Variants in KCNJ4 observed in about 807,000 individuals in gnomAD.
KCNJ4 encodes inward rectifier potassium channel 4.
A neutral mutation model predicts 25.6 loss-of-function variants in KCNJ4; 3 were observed. The ratio of observed to expected loss-of-function variants is 0.12; its 90% CI spans 0.05 to 0.30. The LOEUF is 0.30. Among genes scored for constraint, KCNJ4 ranks in the 10% least tolerant of loss-of-function variants. The pLI, the probability that KCNJ4 is intolerant of heterozygous loss-of-function variation, is 1.00. For synonymous variants in KCNJ4, 257 were observed against 283.9 expected, an observed-to-expected ratio of 0.91 and a Z score of 0.95; for missense variants, 286 against 666.8, an observed-to-expected ratio of 0.43 and a Z score of 6.29.
chr22:38,438,363 C>G (rs1317132152), intron 1 of KCNJ4, among the ~76,000 whole-genome samples: 3 of 151,420 alleles, frequency 2.0e-5, no homozygotes, highest in African/African-American at 7.3e-5. Context: ...GCACTCCAGC[C>G]TGGGTGACAG....
rs1300700291 is a variant in KCNJ4, at chr22:38,443,846, G to A, written c.-40+11134C>T. Among the ~76,000 whole-genome samples, 2 of 152,094 alleles carry A rather than the reference G, an allele frequency of 1.3e-5. No homozygotes were observed. Among genetic ancestry groups the A allele is most frequent in the African/African-American group, 4.8e-5 (2 of 41,418 alleles). Reference sequence around the variant, plus strand: ...ATCTCCACATCACTCCCTGCTCAGAGCTCTCGTCTCCCCAGGGCACTCGGG... The same window carrying A: ...ATCTCCACATCACTCCCTGCTCAGAACTCTCGTCTCCCCAGGGCACTCGGG... On this transcript the variant is annotated intron_variant, in intron 1 of 1. Transcript: ENST00000303592. The surrounding 1 kb of genome is among the most constrained non-coding windows in gnomAD (Gnocchi z 4.1).
rs552056309 is a variant in KCNJ4, at chr22:38,450,525, G to A, written c.-40+4455C>T. ...CCTTCTGCTCCCCTCTCCCTGCGCC[G>A]ATAACTTTCCTCCTGCAGCCCTAGC... On this transcript the variant is annotated intron_variant, in intron 1 of 1. Transcript: ENST00000303592. Among the ~76,000 whole-genome samples the A allele has an allele frequency of 3.3e-5, 5 of 152,156 alleles. No homozygotes were observed. In the South Asian group the frequency reaches 6.2e-4, roughly 19 times the overall value.
chr22:38,450,884 C>T (rs985574469), intron 1 of KCNJ4, among the ~76,000 whole-genome samples: 1 of 151,976 alleles, frequency 6.6e-6, no homozygotes, highest in African/African-American at 2.4e-5. Flanking sequence ...GCCCCAGCCC[C>T]AGGGAGGAAC....
chr22:38,430,457 C>A (rs1322735176), intron 1 of KCNJ4, among the ~76,000 whole-genome samples: 2 of 152,112 alleles, frequency 1.3e-5, no homozygotes, highest in African/African-American at 4.8e-5. Flanking sequence ...GAGCCGAGAT[C>A]GTGCCACTGC....
Position 38,427,290 on chromosome 22 carries a change from C to A in KCNJ4, c.843G>T (p.Ser281=). 6.2e-7 allele frequency: 1 copy of A among 1,613,910 alleles called. No individual in the cohort carries two copies. The highest frequency in any genetic ancestry group is 8.5e-7 in the Non-Finnish European group (1 of 1,180,004). Residue 281 remains serine, a synonymous_variant, in exon 2 of 2, where the codon TCG becomes TCT. Coordinates refer to ENST00000303592, the MANE Select transcript of KCNJ4 (RefSeq NM_152868.3). The part of the protein sequence containing the change: ...LYGMGKEELE[S]EDFEIVVILE... ...GGATGACCACGATCTCAAAGTCCTC[C>A]GACTCCAGCTCCTCCTTGCCCATGC... is the stretch of plus-strand genomic sequence containing the variant.
chr22:38,434,990 G>A (rs892412574), intron 1 of KCNJ4, among the ~76,000 whole-genome samples: 1 of 152,196 alleles, frequency 6.6e-6, no homozygotes, highest in Admixed American at 6.5e-5. Context: ...TGTTGATAAT[G>A]GTGATGACAA....
At chr22:38,428,314 G>GGCA (rs1211703500) in intron 1 of KCNJ4, 143 bp from the exon 2 acceptor site, 1 of 764,394 alleles carries the variant, frequency 1.3e-6, no homozygotes, top group Non-Finnish European at 2.1e-6. Context: ...GGCGGAGGGT[G>GGCA]GCAGCAGAGG....
chr22:38,441,346 G>A (rs574810727), intron 1 of KCNJ4, among the ~76,000 whole-genome samples: 5 of 152,194 alleles, frequency 3.3e-5, no homozygotes, highest in South Asian at 2.1e-4. Flanking sequence ...TCTGCTGGGC[G>A]GGGGTCAGGG....
chr22:38,452,094 A>C (rs532449469), intron 1 of KCNJ4, among the ~76,000 whole-genome samples: 238 of 152,342 alleles, frequency 1.6e-3, no homozygotes, highest in African/African-American at 5.3e-3. Flanking sequence ...GGCATGAGGC[A>C]TTGAAGCCAA....
At position 38,427,880 on chromosome 22, in the gene KCNJ4, C is replaced by T; in HGVS notation, c.253G>A (p.Gly85Ser). ...LLFWCIAFFHGDLEASPGVPA... is the reference protein window; with the variant it reads ...LLFWCIAFFHSDLEASPGVPA... ...ACCCCTGGGCTGGCCTCCAGGTCAC[C>T]GTGGAAGAAGGCGATACACCAGAAG... Residue 85 changes from glycine (G) to serine (S), a missense_variant, in exon 2 of 2, where the codon GGT becomes AGT. By Grantham distance (56) the Gly-to-Ser change is moderately conservative. This residue lies in a region of KCNJ4 where 36 missense variants were observed against 103.2 expected (regional missense o/e 0.35). Transcript: ENST00000303592. 6.2e-7 allele frequency: 1 copy of T among 1,611,872 alleles called. No homozygotes were observed. Among genetic ancestry groups the T allele is most frequent in the Non-Finnish European group, 8.5e-7 (1 of 1,178,760 alleles).
intron 1 of KCNJ4, among the ~76,000 whole-genome samples, chr22:38,441,471 G>T (rs1014472312): frequency 6.6e-6 from 1 of 152,218 alleles, no homozygotes; most frequent in Non-Finnish European, 1.5e-5. Flanking sequence ...GTTTGCTGCT[G>T]CCCCATCCCA....
rs1488113290 is a variant in KCNJ4, at chr22:38,449,172, C to A, written c.-40+5808G>T. On this transcript the variant is annotated intron_variant, in intron 1 of 1. Transcript: ENST00000303592. The surrounding 1 kb of genome is among the most constrained non-coding windows in gnomAD (Gnocchi z 5.2). ...ACAGGGAGGAGTGGCTGAGCTGTTG[C>A]ATGGAAGGAAAGGGGAGGCCTAGGC... Among the ~76,000 whole-genome samples the A allele has an allele frequency of 6.6e-6, 1 of 152,124 alleles. No individual in the cohort carries two copies. The highest frequency in any genetic ancestry group is 2.4e-5 in the African/African-American group (1 of 41,430).
At position 38,427,857 on chromosome 22, in the gene KCNJ4, C is replaced by T. The variant is rs1246839689; in HGVS notation, c.276G>A (p.Gly92=). Residue 92 remains glycine (G), a synonymous_variant, in exon 2 of 2, where the codon GGG becomes GGA. Coordinates refer to ENST00000303592, the MANE Select transcript of KCNJ4 (RefSeq NM_152868.3). ...FFHGDLEASP[G]VPAAGGPAAG... ...CCGCCGGGCCCCCCGCCGCAGGCAC[C>T]CCTGGGCTGGCCTCCAGGTCACCGT... 4 of 1,611,080 alleles carry T rather than the reference C, an allele frequency of 2.5e-6. No individual in the cohort carries two copies. The highest frequency in any genetic ancestry group is 2.5e-6 in the Non-Finnish European group (3 of 1,178,474).
intron 1 of KCNJ4, among the ~76,000 whole-genome samples, chr22:38,450,095 C>G (rs1245438639): frequency 6.6e-6 from 1 of 152,178 alleles, no homozygotes; most frequent in Non-Finnish European, 1.5e-5. Context: ...GTTTGAGCAG[C>G]GATCAGCCCA....
chr22:38,426,751 C>G lies in KCNJ4; in HGVS notation c.*44G>C, dbSNP rs757941148. ...AGGGGGTGTCCTGGCATCCCACCCC[C>G]GGCAGAGGCTCTTGTGGGCAGTGGT... On this transcript the variant is annotated 3_prime_UTR_variant, in exon 2 of 2. Transcript: ENST00000303592. The G allele has an allele frequency of 1.3e-6, 2 of 1,559,546 alleles. No individual in the cohort carries two copies. Among genetic ancestry groups the G allele is most frequent in the Admixed American group, 3.6e-5 (2 of 54,870 alleles).
chr22:38,449,279 C>T lies in KCNJ4; in HGVS notation c.-40+5701G>A, dbSNP rs1001262649. On this transcript the variant is annotated intron_variant, in intron 1 of 1. Transcript: ENST00000303592. The surrounding 1 kb of genome is among the most constrained non-coding windows in gnomAD (Gnocchi z 5.2). ...GCACTGGGTGCACAGTAGGACAAAG[C>T]ATCTGTGGCTGTTTCCACCCAGGAG... is the stretch of plus-strand genomic sequence containing the variant. 6.6e-6 allele frequency among the ~76,000 whole-genome samples: 1 copy of T among 152,218 alleles called. No homozygotes were observed. The highest frequency in any genetic ancestry group is 1.5e-5 in the Non-Finnish European group (1 of 68,028).
At chr22:38,439,036 G>A (rs575821428) in intron 1 of KCNJ4, among the ~76,000 whole-genome samples, 1 of 152,330 alleles carries the variant, frequency 6.6e-6, no homozygotes, top group African/African-American at 2.4e-5. Flanking sequence ...ACGTGAGGCC[G>A]TGAATCCAAG....
In KCNJ4 at chr22:38,443,574, G is replaced by GGGTT. The variant is rs2145944204; in HGVS notation, c.-40+11402_-40+11405dup. Among the ~76,000 whole-genome samples, 1 of 152,262 alleles carries GGGTT rather than the reference G, an allele frequency of 6.6e-6. No homozygotes were observed. The highest frequency in any genetic ancestry group is 6.5e-5 in the Admixed American group (1 of 15,298). On this transcript the variant is annotated intron_variant, in intron 1 of 1. Coordinates refer to ENST00000303592, the MANE Select transcript of KCNJ4 (RefSeq NM_152868.3). This position sits in a 1 kb window ranked among gnomAD's most constrained non-coding sequence, Gnocchi z 4.1. ...CCCTAAGCCCAACCGCAATAACAATGGGTTAATAACTAACATGCACTTAGT... is the reference window on the plus strand; with the variant it reads ...CCCTAAGCCCAACCGCAATAACAATGGGTTGGTTAATAACTAACATGCACTTAGT...
intron 1 of KCNJ4, among the ~76,000 whole-genome samples, chr22:38,448,450 T>C (rs890591229): frequency 2.0e-5 from 3 of 152,130 alleles, no homozygotes; most frequent in Admixed American, 6.5e-5. Flanking sequence ...AGTGAGGGGC[T>C]GAGCTGGGAT....
Sources: gnomAD v4.1 joint callset for allele counts (sites outside exome capture counted in the v4.1 genomes callset) on GRCh38, gnomAD v4.1.1 for gene constraint, gnomAD v4.1.1 regional missense constraint, Gnocchi (gnomAD v3.1) non-coding constraint, MANE v1.5 for transcripts, NCBI Gene and HGNC (gene_info 2026-07-23, HGNC 2026-07-21) for gene names.